Variants in FAM167A observed in about 807,000 individuals in gnomAD.
FAM167A encodes the protein protein FAM167A.
Under a neutral mutation model 14.9 loss-of-function variants are expected in FAM167A, and 23 were observed. The ratio of observed to expected loss-of-function variants is 1.55; its 90% CI spans 1.11 to 2.19. FAM167A has a LOEUF of 2.19. Ranked by LOEUF, FAM167A falls within the 30% of genes most tolerant of loss-of-function variation. The pLI, the probability that FAM167A is intolerant of heterozygous loss-of-function variation, is 0.00. For missense variants in FAM167A, 401 were observed against 281.5 expected (o/e 1.42, Z -3.04); for synonymous variants, 174 against 117.7 (o/e 1.48, Z -3.10).
At chr8:11,435,059 G>C in intron 2 of FAM167A, 1 of 456,864 alleles carries the variant, frequency 2.2e-6, no homozygotes, top group Non-Finnish European at 4.4e-6. Context: ...CTCCACTCAA[G>C]AGGCTGATGG....
rs548488371 is a variant in FAM167A at position 11,447,924 on chromosome 8, C to G, written c.-397-3116G>C. 3.3e-5 allele frequency among the ~76,000 whole-genome samples: 5 copies of G among 152,302 alleles called. No individual in the cohort carries two copies. The South Asian group carries it at 1.0e-3, about 32-fold the overall frequency. ...AAAGTTCTAAGAATTGGCCGGGCGC[C>G]GTGGCTCATATCTGTAATCCCAGCA... On this transcript the variant is annotated intron_variant, in intron 1 of 2. Transcript: ENST00000284486.
chr8:11,435,085 T>G (rs551275158), intron 2 of FAM167A: 52 of 456,738 alleles, frequency 1.1e-4, no homozygotes, highest in African/African-American at 9.8e-4. Flanking sequence ...TCTCCCTGCT[T>G]CTTCAAATCT....
chr8:11,473,037 G>C (rs1808007471), intron 1 of FAM167A, among the ~76,000 whole-genome samples: 1 of 152,214 alleles, frequency 6.6e-6, no homozygotes. Context: ...CCCATCCTGG[G>C]GAAGAGCCTG....
At chr8:11,449,123 A>G (rs978706585) in intron 1 of FAM167A, among the ~76,000 whole-genome samples, 9 of 152,242 alleles carry the variant, frequency 5.9e-5, no homozygotes, top group Non-Finnish European at 1.3e-4. Flanking sequence ...CAGCACAGTC[A>G]GACCGCGAGG....
chr8:11,460,823 C>T (rs1021418843), intron 1 of FAM167A, among the ~76,000 whole-genome samples: 1 of 152,066 alleles, frequency 6.6e-6, no homozygotes, highest in Admixed American at 6.5e-5. Flanking sequence ...TTGAACCCTG[C>T]ATCTATTGTC....
intron 1 of FAM167A, among the ~76,000 whole-genome samples, chr8:11,473,089 C>T (rs2117177018): frequency 6.6e-6 from 1 of 152,328 alleles, no homozygotes; most frequent in Non-Finnish European, 1.5e-5. Context: ...GCAGGCAAGA[C>T]CAGGACCTGC....
At position 11,429,810 on chromosome 8, in the gene FAM167A, C is replaced by T. The variant is rs1161168976; in HGVS notation, c.382-5174G>A. ...TCCTCACTCGTTGGGTGGCAAGTCACTGCCACCTGGAACTTCTGTGTCCTC... is the reference window on the plus strand; with the variant it reads ...TCCTCACTCGTTGGGTGGCAAGTCATTGCCACCTGGAACTTCTGTGTCCTC... On this transcript the variant is annotated intron_variant, in intron 2 of 2. Transcript: ENST00000284486. 2.0e-5 allele frequency among the ~76,000 whole-genome samples: 3 copies of T among 152,224 alleles called. No individual in the cohort carries two copies. In the East Asian group the frequency reaches 5.8e-4, roughly 29 times the overall value.
In FAM167A at chr8:11,421,724, T is replaced by C. The variant is rs1389961759; in HGVS notation, c.*2649A>G. 5 of 398,902 alleles carry C rather than the reference T, an allele frequency of 1.3e-5. No homozygotes were observed. Among genetic ancestry groups the C allele is most frequent in the African/African-American group, 6.2e-5 (3 of 48,588 alleles). The allele number at this position is 398,902 out of a possible 1,614,324, so 24.7% of individuals were successfully genotyped here. A position where few individuals can be genotyped will look rare whatever the true frequency, so the allele number is the denominator to read the frequency against. On this transcript the variant is annotated 3_prime_UTR_variant, in exon 3 of 3. Transcript: ENST00000284486. ...ATCAAGACATGACCACGCATGGCAG[T>C]GTCGGTGGAGAGTTTGCGTTTTACA...
chr8:11,428,002 G>A (rs913587603), intron 2 of FAM167A, among the ~76,000 whole-genome samples: 7 of 152,190 alleles, frequency 4.6e-5, no homozygotes, highest in African/African-American at 1.4e-4. Flanking sequence ...GGTCAAACCT[G>A]CCTGAAAGAT....
At chr8:11,429,709 C>T (rs140788526) in intron 2 of FAM167A, among the ~76,000 whole-genome samples, 1,977 of 152,266 alleles carry the variant, frequency 0.013, 28 homozygotes, top group Middle Eastern at 0.065. Flanking sequence ...TGCTCAGAGG[C>T]GAGCTGGGCC....
At chr8:11,472,981 G>A (rs1808006052) in intron 1 of FAM167A, among the ~76,000 whole-genome samples, 1 of 152,218 alleles carries the variant, frequency 6.6e-6, no homozygotes, top group Admixed American at 6.5e-5. Context: ...TGGTTTTGAG[G>A]CTGGGATGAG....
In FAM167A at chr8:11,424,300, G is replaced by C; in HGVS notation, c.*73C>G. ...TCCGGGAGACCCACTGGAGTAACTT[G>C]GCCTCAGCTTCCTCTGACACCCCTC... On this transcript the variant is annotated 3_prime_UTR_variant, in exon 3 of 3. Coordinates refer to ENST00000284486, the MANE Select transcript of FAM167A (RefSeq NM_053279.3). 1.3e-6 allele frequency: 2 copies of C among 1,586,002 alleles called. No homozygotes were observed. Among genetic ancestry groups the C allele is most frequent in the African/African-American group, 1.3e-5 (1 of 74,292 alleles).
intron 2 of FAM167A, among the ~76,000 whole-genome samples, chr8:11,426,412 A>C (rs1487637073): frequency 6.6e-6 from 1 of 152,200 alleles, no homozygotes; most frequent in Non-Finnish European, 1.5e-5. Context: ...GGCTCAGAAT[A>C]AACCTCTTTA....
intron 1 of FAM167A, among the ~76,000 whole-genome samples, chr8:11,456,109 TGTGA>T (rs1807272681): frequency 2.4e-5 from 1 of 41,982 alleles, no homozygotes; most frequent in Admixed American, 2.6e-4. Flanking sequence ...TGTGTGTGTG[TGTGA>T]ATGTGGGAGG....
At chr8:11,430,012 A>T (rs1236402419) in intron 2 of FAM167A, among the ~76,000 whole-genome samples, 1 of 152,232 alleles carries the variant, frequency 6.6e-6, no homozygotes, top group African/African-American at 2.4e-5. Context: ...GAACCCAGCA[A>T]GGACCTCCCA....
upstream of FAM167A, among the ~76,000 whole-genome samples, chr8:11,469,092 A>C (rs1185811221): frequency 6.6e-6 from 1 of 152,256 alleles, no homozygotes; most frequent in Non-Finnish European, 1.5e-5. Context: ...ATCATATAGA[A>C]AAATACTAAC....
chr8:11,457,056 G>T (rs1172372876), intron 1 of FAM167A, among the ~76,000 whole-genome samples: 3 of 122,702 alleles, frequency 2.4e-5, no homozygotes, highest in African/African-American at 9.7e-5. Flanking sequence ...TAAGGAAGTG[G>T]GTGGGGCTGG....
upstream of FAM167A, among the ~76,000 whole-genome samples, chr8:11,471,640 T>C (rs776916688): frequency 1.3e-5 from 2 of 152,188 alleles, no homozygotes; most frequent in African/African-American, 2.4e-5. Flanking sequence ...CTGTTCATAG[T>C]ACTGCCTTGA....
At chr8:11,468,362 G>A (rs954948397), upstream of FAM167A, among the ~76,000 whole-genome samples, 4 of 152,172 alleles carry the variant, frequency 2.6e-5, no homozygotes, top group African/African-American at 9.7e-5. Context: ...TGCTCCTCCC[G>A]ACAGGCTGCT....
Sources: gnomAD v4.1 joint callset for allele counts (sites outside exome capture counted in the v4.1 genomes callset) on GRCh38, gnomAD v4.1.1 for gene constraint, MANE v1.5 for transcripts, NCBI Gene and HGNC (gene_info 2026-07-23, HGNC 2026-07-21) for gene names.